The following PSTPIP1 variants were observed in gnomAD, a reference collection of about 807,000 sequenced individuals.
PSTPIP1 encodes proline-serine-threonine phosphatase interacting protein 1.
Under a neutral mutation model 69.6 loss-of-function variants are expected in PSTPIP1, and 66 were observed. That is an observed-to-expected ratio of 0.95 (90% CI 0.78 to 1.16). The LOEUF is 1.16. Ranked by LOEUF, PSTPIP1 falls within the 50% of genes most tolerant of loss-of-function variation. The probability of loss-of-function intolerance (pLI) is 0.00; values close to 1 mark genes in which losing one functional copy is unlikely to be tolerated. For synonymous variants in PSTPIP1, 266 were observed against 222.7 expected, an observed-to-expected ratio of 1.19 and a Z score of -1.73; for missense variants, 603 against 557.4, an observed-to-expected ratio of 1.08 and a Z score of -0.82.
chr15:77,032,332 G>A lies in PSTPIP1; in HGVS notation c.776G>A (p.Cys259Tyr). ...GAAGTGCGGCTGACGCTGGAAGGCT[G>A]CAGCATAGACGCCGACATCGACAGT... ...YEEVRLTLEGCSIDADIDSFI... is the reference protein window; with the variant it reads ...YEEVRLTLEGYSIDADIDSFI... Residue 259 changes from cysteine to tyrosine, a missense_variant, in exon 11 of 15, where the codon TGC (cysteine) becomes TAC (tyrosine). Coordinates refer to ENST00000558012, the MANE Select transcript of PSTPIP1 (RefSeq NM_003978.5). The A allele has an allele frequency of 2.5e-6, 4 of 1,612,626 alleles. No homozygotes were observed. The highest frequency in any genetic ancestry group is 3.4e-6 in the Non-Finnish European group (4 of 1,179,764).
chr15:77,011,607 C>T (rs1046174371), intron 1 of PSTPIP1, among the ~76,000 whole-genome samples: 2 of 152,228 alleles, frequency 1.3e-5, no homozygotes, highest in African/African-American at 4.8e-5. Flanking sequence ...GCCTTCTTGG[C>T]CCTCTGTCTT....
At chr15:77,023,217 C>T (rs1311460573) in intron 3 of PSTPIP1, among the ~76,000 whole-genome samples, 2 of 152,376 alleles carry the variant, frequency 1.3e-5, no homozygotes, top group East Asian at 1.9e-4. Flanking sequence ...CAGGCATTGC[C>T]CCTGTCCTCA....
intron 12 of PSTPIP1, among the ~76,000 whole-genome samples, chr15:77,033,730 A>G (rs549169658): frequency 1.3e-5 from 2 of 152,230 alleles, no homozygotes; most frequent in African/African-American, 4.8e-5. Context: ...GCCCTTCCCA[A>G]GGACCAGCTC....
chr15:77,020,701 C>T (rs1424584906), intron 3 of PSTPIP1, among the ~76,000 whole-genome samples: 1 of 152,150 alleles, frequency 6.6e-6, no homozygotes, highest in Admixed American at 6.5e-5. Flanking sequence ...CATTAGGGCC[C>T]ATTTATGCGC....
intron 1 of PSTPIP1, among the ~76,000 whole-genome samples, chr15:77,008,993 G>A (rs892093462): frequency 1.8e-4 from 27 of 152,178 alleles, no homozygotes; most frequent in East Asian, 3.9e-4. Flanking sequence ...GGCCCGCTTC[G>A]ATCCTACTAC....
chr15:77,001,644 A>G (rs2075709950), intron 1 of PSTPIP1, among the ~76,000 whole-genome samples: 1 of 152,260 alleles, frequency 6.6e-6, no homozygotes, highest in African/African-American at 2.4e-5. Flanking sequence ...TGTCAGAAGC[A>G]GTGAGGACGG....
intron 5 of PSTPIP1, among the ~76,000 whole-genome samples, chr15:77,026,562 C>G (rs1025622646): frequency 1.4e-4 from 22 of 152,366 alleles, no homozygotes; most frequent in Middle Eastern, 3.4e-3. Flanking sequence ...CATATGTCTA[C>G]CTCCCAAGTG....
intron 6 of PSTPIP1, 97 bp from the exon 7 acceptor site, chr15:77,028,457 C>T: frequency 9.1e-7 from 1 of 1,101,760 alleles, no homozygotes; most frequent in South Asian, 1.7e-5. Flanking sequence ...GCAACCCTCG[C>T]CAGGGAAAAA....
chr15:77,026,864 C>T (rs1329582667), intron 5 of PSTPIP1, among the ~76,000 whole-genome samples: 1 of 152,248 alleles, frequency 6.6e-6, no homozygotes, highest in African/African-American at 2.4e-5. Flanking sequence ...TTTGGGCCCT[C>T]CTGTGGCCAG....
At chr15:77,036,005 G>C (rs1182566554) in intron 14 of PSTPIP1, 70 bp downstream of exon 14, 7 of 1,486,266 alleles carry the variant, frequency 4.7e-6, no homozygotes, top group Non-Finnish European at 6.3e-6. Context: ...CTCCCATCCA[G>C]TGCCTTGCGT....
Position 76,995,493 on chromosome 15 carries a change from G to T in PSTPIP1, c.-81G>T. On this transcript the variant is annotated 5_prime_UTR_variant, in exon 1 of 15. Coordinates refer to ENST00000558012, the MANE Select transcript of PSTPIP1 (RefSeq NM_003978.5). ...GCCTGGGCCAGCCCTGCCAGGACTG[G>T]GACGCTGCTGCTGGCGCCTGGCCCT... 1 of 1,610,068 alleles carries T rather than the reference G, an allele frequency of 6.2e-7. No individual in the cohort carries two copies. The highest frequency in any genetic ancestry group is 8.5e-7 in the Non-Finnish European group (1 of 1,178,414).
At chr15:77,022,711 T>G (rs2076185861) in intron 3 of PSTPIP1, among the ~76,000 whole-genome samples, 1 of 152,190 alleles carries the variant, frequency 6.6e-6, no homozygotes. Context: ...CCTTGAAATT[T>G]CATCTGGGGC....
intron 1 of PSTPIP1, among the ~76,000 whole-genome samples, chr15:76,996,706 C>T (rs901087018): frequency 2.0e-5 from 3 of 152,216 alleles, no homozygotes; most frequent in African/African-American, 4.8e-5. Flanking sequence ...AAGGACCCCA[C>T]GTGGGGAGGG....
chr15:77,021,561 C>T (rs1219208651), intron 3 of PSTPIP1, among the ~76,000 whole-genome samples: 1 of 152,176 alleles, frequency 6.6e-6, no homozygotes. Flanking sequence ...AGCCTGCAGT[C>T]CCAGCTACTC....
intron 3 of PSTPIP1, among the ~76,000 whole-genome samples, 200 bp downstream of exon 3, chr15:77,018,731 TG>T (rs1451963494): frequency 6.6e-6 from 1 of 152,092 alleles, no homozygotes; most frequent in East Asian, 1.9e-4. Context: ...GTCTGAGTTC[TG>T]GAAAGGGTCT....
At chr15:77,028,340 C>T (rs1596113221) in intron 6 of PSTPIP1, 2 of 538,572 alleles carry the variant, frequency 3.7e-6, no homozygotes, top group East Asian at 6.2e-5. Flanking sequence ...GCGCTGTCCT[C>T]AGTGGGGAGG....
Position 77,030,758 on chromosome 15 carries a change from G to A in PSTPIP1, c.642+177G>A, listed in dbSNP as rs143948509. ...CTGGGCCCTGGCCCTGTTGCTTGTC[G>A]CCTGGCCTTGAGTCCTGGGCCCCTT... is the stretch of plus-strand genomic sequence containing the variant. On this transcript the variant is annotated intron_variant, in intron 9 of 14. Coordinates refer to ENST00000558012, the MANE Select transcript of PSTPIP1 (RefSeq NM_003978.5). Among the ~76,000 whole-genome samples the A allele has an allele frequency of 1.8e-4, 28 of 152,310 alleles. No homozygotes were observed. In the East Asian group the frequency reaches 4.2e-3, roughly 23 times the overall value.
chr15:77,003,520 G>A (rs1387855168), intron 1 of PSTPIP1, among the ~76,000 whole-genome samples: 1 of 152,138 alleles, frequency 6.6e-6, no homozygotes, highest in Non-Finnish European at 1.5e-5. Flanking sequence ...GCGGGGCATG[G>A]TGGCGCATGC....
intron 12 of PSTPIP1, among the ~76,000 whole-genome samples, chr15:77,034,254 C>A (rs1051671574): frequency 3.2e-4 from 48 of 152,124 alleles, no homozygotes; most frequent in African/African-American, 1.2e-3. Context: ...TCCCCCTGCC[C>A]TGGCCGCTTC....
Sources: gnomAD v4.1 joint callset for allele counts (sites outside exome capture counted in the v4.1 genomes callset) on GRCh38, gnomAD v4.1.1 for gene constraint, MANE v1.5 for transcripts, NCBI Gene and HGNC (gene_info 2026-07-23, HGNC 2026-07-21) for gene names.